Variants in TOP1 observed in about 807,000 individuals in gnomAD.
TOP1 encodes DNA topoisomerase I, also known as DNA topoisomerase 1.
Under a neutral mutation model 111.1 loss-of-function variants are expected in TOP1, and 10 were observed. The ratio of observed to expected loss-of-function variants is 0.09; its 90% confidence interval spans 0.06 to 0.15. The LOEUF is 0.15. TOP1 is among the 10% of genes least tolerant of loss of function. The probability of loss-of-function intolerance (pLI) is 1.00; values close to 1 mark genes in which losing one functional copy is unlikely to be tolerated. For synonymous variants in TOP1, 271 were observed against 302.9 expected (o/e 0.89, Z 1.10); for missense variants, 474 against 926.7 (o/e 0.51, Z 6.34).
intron 2 of TOP1, among the ~76,000 whole-genome samples, chr20:41,056,215 A>G (rs6129744): frequency 0.13 from 19,260 of 152,192 alleles, 1,487 homozygotes; most frequent in South Asian, 0.25. Flanking sequence ...ATATCTCTAC[A>G]GTTTCCCTTT....
At chr20:41,088,410 C>T (rs532499703) in intron 8 of TOP1, among the ~76,000 whole-genome samples, 8 of 152,188 alleles carry the variant, frequency 5.3e-5, no homozygotes, top group Non-Finnish European at 1.2e-4. Flanking sequence ...GGCTGAGGCG[C>T]GAGAATGGTG....
intron 8 of TOP1, 42 bp downstream of exon 8, chr20:41,084,610 G>T: frequency 8.7e-7 from 1 of 1,150,124 alleles, no homozygotes; most frequent in South Asian, 1.6e-5. Flanking sequence ...CTTTTTTATT[G>T]CATATCCTTA....
At chr20:41,040,899 T>C (rs2033255855) in intron 2 of TOP1, among the ~76,000 whole-genome samples, 4 of 152,164 alleles carry the variant, frequency 2.6e-5, no homozygotes, top group Admixed American at 2.6e-4. Flanking sequence ...CTTTAGAATT[T>C]CATAAGGTTT....
intron 2 of TOP1, among the ~76,000 whole-genome samples, chr20:41,033,385 TTTC>T (rs2033145840): frequency 1.3e-5 from 2 of 152,080 alleles, no homozygotes; most frequent in African/African-American, 4.8e-5. Context: ...AGTCTGACTT[TTTC>T]CCCTTGCTGT....
intron 9 of TOP1, among the ~76,000 whole-genome samples, chr20:41,096,132 T>C (rs2033978750): frequency 6.6e-6 from 1 of 152,180 alleles, no homozygotes; most frequent in South Asian, 2.1e-4. Context: ...AGTGGCGTGA[T>C]CTTGGCTCAC....
At chr20:41,065,975 T>A (rs1466874675) in intron 3 of TOP1, among the ~76,000 whole-genome samples, 1 of 152,022 alleles carries the variant, frequency 6.6e-6, no homozygotes, top group Non-Finnish European at 1.5e-5. Context: ...AAAAAAAAAA[T>A]TAGATAACCT....
rs6129753 is a variant in TOP1, at chr20:41,095,043, T to A, written c.731-2177T>A. Among the ~76,000 whole-genome samples, 33,791 of 151,896 alleles carry A rather than the reference T, an allele frequency of 0.22. 3,868 individuals are homozygous for A. Among genetic ancestry groups the A allele is most frequent in the South Asian group, 0.31 (1,500 of 4,802 alleles). On this transcript the variant is annotated intron_variant, in intron 9 of 20. Transcript: ENST00000361337. The surrounding 1 kb of genome is among the most constrained non-coding windows in gnomAD (Gnocchi z 4.6). ...AAACAGCCCAAAATCTCATTTTTTTTAAATTTATTTTTATATTTATTTATT... is the reference window on the plus strand; with the variant it reads ...AAACAGCCCAAAATCTCATTTTTTTAAAATTTATTTTTATATTTATTTATT...
Position 41,080,614 on chromosome 20 carries a change from A to G in TOP1, c.431+434A>G, listed in dbSNP as rs1442109475. ...CATAAAACGGTCGAGGCTTACATGT[A>G]TCTCTTTCCCCAGATTCAATGAGAT... is the stretch of plus-strand genomic sequence containing the variant. On this transcript the variant is annotated intron_variant, in intron 6 of 20. Transcript: ENST00000361337. The surrounding 1 kb of genome is among the most constrained non-coding windows in gnomAD (Gnocchi z 5.0). Among the ~76,000 whole-genome samples the G allele has an allele frequency of 6.6e-6, 1 of 152,112 alleles. No homozygotes were observed. Among genetic ancestry groups the G allele is most frequent in the Non-Finnish European group, 1.5e-5 (1 of 68,014 alleles).
Position 41,100,686 on chromosome 20 carries a change from T to C in TOP1, c.1163+443T>C, listed in dbSNP as rs2034050177. The C allele has an allele frequency of 6.2e-6, 1 of 161,720 alleles. No individual in the cohort carries two copies. The highest frequency in any genetic ancestry group is 2.4e-5 in the African/African-American group (1 of 41,684). 10.0% of individuals were successfully genotyped at this position (161,720 alleles called of 1,614,324 possible). On this transcript the variant is annotated intron_variant, in intron 12 of 20. Transcript: ENST00000361337. This position sits in a 1 kb window ranked among gnomAD's most constrained non-coding sequence, Gnocchi z 4.4. The stretch of plus-strand genomic sequence containing the variant: ...AGATCTTAGCAACTTCACCATACAG[T>C]TTTTTTTATTAAGTCGATAATTTCC...
chr20:41,064,813 C>T (rs879729995), intron 3 of TOP1, among the ~76,000 whole-genome samples: 12 of 151,892 alleles, frequency 7.9e-5, no homozygotes, highest in South Asian at 4.2e-4. Flanking sequence ...TTACTTTTCC[C>T]TATGGCCTCC....
At chr20:41,065,585 T>G (rs1175854811) in intron 3 of TOP1, among the ~76,000 whole-genome samples, 1 of 152,210 alleles carries the variant, frequency 6.6e-6, no homozygotes, top group Non-Finnish European at 1.5e-5. Flanking sequence ...TTGTCTTTTT[T>G]TCTCTTTCCC....
intron 2 of TOP1, among the ~76,000 whole-genome samples, chr20:41,050,081 G>T (rs542715006): frequency 6.6e-6 from 1 of 152,186 alleles, no homozygotes; most frequent in Admixed American, 6.5e-5. Flanking sequence ...GCAATGGCAC[G>T]ATCTTGGCTC....
intron 2 of TOP1, among the ~76,000 whole-genome samples, chr20:41,054,508 A>G (rs2033445433): frequency 6.6e-6 from 1 of 152,204 alleles, no homozygotes; most frequent in Non-Finnish European, 1.5e-5. Context: ...TAATACAGAT[A>G]CCTAGATACC....
Position 41,123,308 on chromosome 20 carries a change from G to C in TOP1, c.*11G>C. ...GACTATGAGTTTTAGCCAGTCTCAA[G>C]AGGCAGAGTTCTGTGAAGAGGAACA... On this transcript the variant is annotated 3_prime_UTR_variant, in exon 21 of 21. Transcript: ENST00000361337. This position sits in a 1 kb window ranked among gnomAD's most constrained non-coding sequence, Gnocchi z 5.8. The C allele has an allele frequency of 1.3e-6, 2 of 1,592,102 alleles. No homozygotes were observed. Among genetic ancestry groups the C allele is most frequent in the Non-Finnish European group, 1.7e-6 (2 of 1,160,084 alleles).
rs992553232 is a variant in TOP1 at position 41,122,984 on chromosome 20, T to C, written c.2196-211T>C. Among the ~76,000 whole-genome samples the C allele has an allele frequency of 6.6e-6, 1 of 152,232 alleles. No individual in the cohort carries two copies. Among genetic ancestry groups the C allele is most frequent in the African/African-American group, 2.4e-5 (1 of 41,462 alleles). On this transcript the variant is annotated intron_variant, in intron 20 of 20. Coordinates refer to ENST00000361337, the MANE Select transcript of TOP1 (RefSeq NM_003286.4). This position sits in a 1 kb window ranked among gnomAD's most constrained non-coding sequence, Gnocchi z 5.4. ...CAGTTTCATCTGTACGTTTTTCACT[T>C]GTACATCTGCAGAAGCACCTACTTT...
At chr20:41,062,313 A>G (rs949766044) in intron 3 of TOP1, among the ~76,000 whole-genome samples, 3 of 152,202 alleles carry the variant, frequency 2.0e-5, no homozygotes, top group African/African-American at 7.2e-5. Flanking sequence ...CTTCTTTATT[A>G]ACTTGTCTGA....
chr20:41,068,846 A>T (rs890548662), intron 3 of TOP1, among the ~76,000 whole-genome samples: 1 of 152,230 alleles, frequency 6.6e-6, no homozygotes, highest in African/African-American at 2.4e-5. Context: ...TTGTATAAAC[A>T]GAATATTATT....
At chr20:41,064,368 A>C (rs780473556) in intron 3 of TOP1, among the ~76,000 whole-genome samples, 2 of 152,168 alleles carry the variant, frequency 1.3e-5, no homozygotes, top group Non-Finnish European at 2.9e-5. Context: ...AATGTGCCAA[A>C]ATAGCTCATA....
At chr20:41,073,526 A>G (rs945041960) in intron 3 of TOP1, 15 of 964,928 alleles carry the variant, frequency 1.6e-5, no homozygotes, top group Non-Finnish European at 1.7e-5. Flanking sequence ...TCTCAGACTC[A>G]CCATGGCTGT....
Sources: gnomAD v4.1 joint callset for allele counts (sites outside exome capture counted in the v4.1 genomes callset) on GRCh38, gnomAD v4.1.1 for gene constraint, Gnocchi (gnomAD v3.1) non-coding constraint, MANE v1.5 for transcripts, NCBI Gene and HGNC (gene_info 2026-07-23, HGNC 2026-07-21) for gene names.